Variants in EFCAB14 observed in about 807,000 individuals in gnomAD.
EFCAB14 encodes the protein EF-hand calcium binding domain 14.
A neutral mutation model predicts 56.5 loss-of-function variants in EFCAB14; 43 were observed. The observed-to-expected ratio is 0.76, with a 90% CI of 0.60 to 0.98. The LOEUF (loss-of-function observed/expected upper bound fraction) is 0.98, where lower values mean the gene tolerates loss of function less well. Ranked by LOEUF, EFCAB14 falls within the 50% of genes least tolerant of loss-of-function variation. The pLI, the probability that EFCAB14 is intolerant of heterozygous loss-of-function variation, is 0.00. For synonymous variants in EFCAB14, 235 were observed against 212.9 expected (o/e 1.10, Z -0.90); for missense variants, 538 against 580.3 (o/e 0.93, Z 0.75).
chr1:46,697,857 T>C (rs1371903894), intron 3 of EFCAB14, among the ~76,000 whole-genome samples: 10 of 149,416 alleles, frequency 6.7e-5, no homozygotes, highest in East Asian at 5.8e-4. Flanking sequence ...TCTCTCTCTT[T>C]TTTTTTTTTT....
intron 4 of EFCAB14, among the ~76,000 whole-genome samples, chr1:46,694,626 G>A (rs376889694): frequency 9.2e-5 from 14 of 152,186 alleles, no homozygotes; most frequent in African/African-American, 2.9e-4. Flanking sequence ...TTACACTGTT[G>A]GTGGGACTGT....
intron 3 of EFCAB14, among the ~76,000 whole-genome samples, chr1:46,704,419 G>C (rs2083485): frequency 0.8 from 120,443 of 149,730 alleles, 48,582 homozygotes; most frequent in East Asian, 0.91. Context: ...AGGCTGCACA[G>C]TGAGCTGTGA....
rs1007172416 is a variant in EFCAB14, at chr1:46,677,889, T to C, written c.*572A>G. On this transcript the variant is annotated 3_prime_UTR_variant, in exon 11 of 11. Transcript: ENST00000371933. ...CTTTGAGGGATACCTTATGGAGACA[T>C]GGATGTAGTTTCAGCTGCCACCTAC... 1 of 152,668 alleles carries C rather than the reference T, an allele frequency of 6.6e-6. No individual in the cohort carries two copies. The highest frequency in any genetic ancestry group is 6.5e-5 in the Admixed American group (1 of 15,274). 9.5% of individuals were successfully genotyped at this position (152,668 alleles called of 1,614,324 possible).
intron 3 of EFCAB14, among the ~76,000 whole-genome samples, chr1:46,705,839 C>T (rs765998710): frequency 2.6e-4 from 40 of 151,606 alleles, no homozygotes; most frequent in Non-Finnish European, 4.4e-4. Context: ...TTTTTTGTGG[C>T]CAGAAATGTG....
At chr1:46,689,478 A>G in intron 6 of EFCAB14, 109 bp downstream of exon 6, 1 of 1,021,648 alleles carries the variant, frequency 9.8e-7, no homozygotes, top group East Asian at 2.4e-5. Context: ...CAGGCAGGCA[A>G]ATAAATACAG....
intron 2 of EFCAB14, among the ~76,000 whole-genome samples, chr1:46,711,897 A>G (rs1210303581): frequency 6.6e-6 from 1 of 152,202 alleles, no homozygotes; most frequent in Non-Finnish European, 1.5e-5. Context: ...CACCGGCACT[A>G]GTATATACAA....
chr1:46,687,011 G>T, intron 7 of EFCAB14, 141 bp from the exon 8 acceptor site: 1 of 729,248 alleles, frequency 1.4e-6, no homozygotes, highest in Non-Finnish European at 2.3e-6. Context: ...TTGCAGAGGA[G>T]TGGGAGATGG....
chr1:46,678,478 C>T lies in EFCAB14; in HGVS notation c.1471G>A (p.Val491Ile), dbSNP rs966336055. ...TGATGAAGCTAGATACCTAAAGCTA[C>T]CCTTAGCTCCAGGAATGAGTATCTT... ...DGRYSFLELRVALGI is the reference protein window; with the variant it reads ...DGRYSFLELRIALGI Residue 491 changes from valine to isoleucine, a missense_variant, in exon 11 of 11, where the codon GTA becomes ATA. By Grantham distance (29) the Val-to-Ile change is conservative. Coordinates refer to ENST00000371933, the MANE Select transcript of EFCAB14 (RefSeq NM_014774.3). The T allele has an allele frequency of 6.2e-7, 1 of 1,614,080 alleles. No homozygotes were observed. Among genetic ancestry groups the T allele is most frequent in the African/African-American group, 1.3e-5 (1 of 74,998 alleles).
intron 10 of EFCAB14, among the ~76,000 whole-genome samples, 167 bp from the exon 11 acceptor site, chr1:46,678,803 A>T (rs1185016178): frequency 1.4e-5 from 2 of 144,962 alleles, no homozygotes; most frequent in Non-Finnish European, 3.0e-5. Flanking sequence ...CTAATTTTTG[A>T]TCCCTTAAAA....
At position 46,688,470 on chromosome 1, in the gene EFCAB14, A is replaced by G; in HGVS notation, c.870T>C (p.Leu290=). ...ALVGYQRQND[L]KLEGMNETVS... ...CTGTCTCGTTCATTCCCTCGAGTTT[A>G]AGATCATTCTGTCTCTGGTACCCCA... Residue 290 remains leucine (L), a synonymous_variant, in exon 7 of 11, where the codon CTT becomes CTC. Transcript: ENST00000371933. 1 of 1,613,902 alleles carries G rather than the reference A, an allele frequency of 6.2e-7. No individual in the cohort carries two copies.
chr1:46,687,420 AG>A (rs778729703), intron 7 of EFCAB14, among the ~76,000 whole-genome samples: 7 of 152,182 alleles, frequency 4.6e-5, no homozygotes, highest in African/African-American at 1.4e-4. Flanking sequence ...GTAAAGCAGG[AG>A]GGGGAACAGG....
Position 46,677,670 on chromosome 1 carries a change from G to C in EFCAB14, c.*791C>G, listed in dbSNP as rs1421120213. The C allele has an allele frequency of 6.6e-6, 1 of 152,110 alleles. No individual in the cohort carries two copies. Among genetic ancestry groups the C allele is most frequent in the East Asian group, 1.9e-4 (1 of 5,194 alleles). 9.4% of individuals were successfully genotyped at this position (152,110 alleles called of 1,614,324 possible). ...ATAACTTTTTATGCTCATAAACCCT[G>C]AAATAGTACTAAAAATGAGAAAAAT... On this transcript the variant is annotated 3_prime_UTR_variant, in exon 11 of 11. Transcript: ENST00000371933.
chr1:46,701,672 G>GGTGCTGCTGCACTTTTCTCT (rs1377608713), intron 3 of EFCAB14, among the ~76,000 whole-genome samples: 3 of 152,192 alleles, frequency 2.0e-5, no homozygotes, highest in African/African-American at 4.8e-5. Context: ...GATCGAGTGA[G>GGTGCTGCTGCACTTTTCTCT]GTGCTGCTGC....
chr1:46,704,269 A>T (rs1390182519), intron 3 of EFCAB14, among the ~76,000 whole-genome samples: 1 of 151,974 alleles, frequency 6.6e-6, no homozygotes, highest in African/African-American at 2.4e-5. Context: ...CCTGGGAAAT[A>T]GTGAGACCCT....
At chr1:46,685,416 T>C (rs897462935) in intron 8 of EFCAB14, among the ~76,000 whole-genome samples, 2 of 152,252 alleles carry the variant, frequency 1.3e-5, no homozygotes, top group African/African-American at 4.8e-5. Flanking sequence ...TTTACTTTTC[T>C]TGTATAAGTA....
At chr1:46,686,251 G>A (rs1676879304) in intron 8 of EFCAB14, among the ~76,000 whole-genome samples, 1 of 152,176 alleles carries the variant, frequency 6.6e-6, no homozygotes, top group African/African-American at 2.4e-5. Context: ...AAGGTGAAGG[G>A]AACTGGCTGA....
intron 5 of EFCAB14, among the ~76,000 whole-genome samples, chr1:46,691,397 C>T (rs926756780): frequency 6.6e-6 from 1 of 152,204 alleles, no homozygotes; most frequent in Admixed American, 6.5e-5. Context: ...CTTTCATCCA[C>T]GAGCACATGT....
At chr1:46,694,229 G>T (rs1319298030) in intron 4 of EFCAB14, among the ~76,000 whole-genome samples, 9 of 152,126 alleles carry the variant, frequency 5.9e-5, no homozygotes, top group African/African-American at 2.4e-5. Flanking sequence ...TTGACAAATG[G>T]GATCTAACTA....
At chr1:46,681,119 T>C (rs1676787378) in intron 10 of EFCAB14, among the ~76,000 whole-genome samples, 1 of 152,096 alleles carries the variant, frequency 6.6e-6, no homozygotes, top group Non-Finnish European at 1.5e-5. Context: ...CTACCACGCC[T>C]GGCTAATTTT....
Sources: allele counts gnomAD v4.1 joint callset (sites outside exome capture counted in the v4.1 genomes callset), GRCh38; gene constraint gnomAD v4.1.1; transcripts MANE v1.5; gene names NCBI Gene and HGNC (gene_info 2026-07-23, HGNC 2026-07-21).